TIA1: variants seen among roughly 807,000 people sequenced by gnomAD.
TIA1 encodes the protein cytotoxic granule associated RNA binding protein TIA1.
Under a neutral mutation model 65.9 loss-of-function variants are expected in TIA1, and 23 were observed. That is an observed-to-expected ratio of 0.35 (90% CI 0.25 to 0.49). TIA1 has a LOEUF of 0.49. Ranked by LOEUF, TIA1 falls within the 20% of genes least tolerant of loss-of-function variation. The pLI is 0.98. For missense variants in TIA1, 371 were observed against 477.9 expected, an observed-to-expected ratio of 0.78 and a Z score of 2.09; for synonymous variants, 147 against 149.4, an observed-to-expected ratio of 0.98 and a Z score of 0.12.
chr2:70,230,252 AAAAAG>A (rs1247972796), intron 3 of TIA1, among the ~76,000 whole-genome samples: 1 of 151,832 alleles, frequency 6.6e-6, no homozygotes, highest in South Asian at 2.1e-4. Flanking sequence ...AAAAAAAAAA[AAAAAG>A]AAAAGAAAAT....
intron 7 of TIA1, among the ~76,000 whole-genome samples, chr2:70,219,457 C>T (rs1479162177): frequency 6.6e-6 from 1 of 152,062 alleles, no homozygotes; most frequent in Non-Finnish European, 1.5e-5. Flanking sequence ...CAGGCAAATT[C>T]AAGGCCTTTC....
At chr2:70,244,765 G>C (rs760416167) in intron 1 of TIA1, among the ~76,000 whole-genome samples, 1 of 148,926 alleles carries the variant, frequency 6.7e-6, no homozygotes, top group East Asian at 2.0e-4. Context: ...AACCTGGAAG[G>C]CAGAGCTTGC....
At position 70,242,556 on chromosome 2, in the gene TIA1, A is replaced by G. The variant is rs1692357239; in HGVS notation, c.26+5849T>C. ...TGATAAGGTCTCTGAAAATTTGAGT[A>G]AAAACGATGAATAGTTTTTTACCTA... On this transcript the variant is annotated intron_variant, in intron 1 of 12. Transcript: ENST00000433529. 2.0e-5 allele frequency among the ~76,000 whole-genome samples: 3 copies of G among 150,574 alleles called. No homozygotes were observed. The South Asian group carries it at 6.3e-4, about 32-fold the overall frequency.
intron 5 of TIA1, chr2:70,228,658 T>G (rs1684794319): frequency 1.0e-6 from 1 of 985,312 alleles, no homozygotes. Flanking sequence ...ACAAAGCATA[T>G]TTGGAAAGAA....
intron 1 of TIA1, among the ~76,000 whole-genome samples, chr2:70,244,911 A>C (rs1324627649): frequency 6.6e-6 from 1 of 151,842 alleles, no homozygotes; most frequent in Non-Finnish European, 1.5e-5. Context: ...TTACAAGGCC[A>C]ATACTATTTG....
chr2:70,215,943 A>G (rs1363314621), intron 10 of TIA1, among the ~76,000 whole-genome samples: 2 of 152,010 alleles, frequency 1.3e-5, no homozygotes, highest in Admixed American at 6.6e-5. Flanking sequence ...TTTAGTAGAG[A>G]CGGGGTTTCA....
rs200638542 is a variant in TIA1 at position 70,230,203 on chromosome 2, G to A, written c.222+553C>T. 8.7e-5 allele frequency among the ~76,000 whole-genome samples: 12 copies of A among 138,066 alleles called. No homozygotes were observed. The East Asian group carries it at 1.3e-3, about 15-fold the overall frequency. The allele number at this position is 138,066 out of a possible 152,430, so 90.6% of individuals were successfully genotyped here. On this transcript the variant is annotated intron_variant, in intron 3 of 12. Coordinates refer to ENST00000433529, the MANE Select transcript of TIA1 (RefSeq NM_022173.4). ...GCTTGCAGTGAGCTGAGATCGCGCC[G>A]CTGCACTCCAGCCTGGGCAACAGAG...
intron 7 of TIA1, among the ~76,000 whole-genome samples, chr2:70,222,214 GAC>G (rs1258922279): frequency 2.0e-5 from 3 of 152,276 alleles, no homozygotes; most frequent in Non-Finnish European, 1.5e-5. Flanking sequence ...GAGAGATGGG[GAC>G]ACAATCATAA....
At chr2:70,220,538 T>G (rs1240477051) in intron 7 of TIA1, among the ~76,000 whole-genome samples, 3 of 152,124 alleles carry the variant, frequency 2.0e-5, no homozygotes, top group Non-Finnish European at 4.4e-5. Flanking sequence ...CACCAGAAGC[T>G]TGGAAGAAGC....
At chr2:70,214,757 A>G (rs1205231946) in intron 11 of TIA1, among the ~76,000 whole-genome samples, 1 of 152,236 alleles carries the variant, frequency 6.6e-6, no homozygotes, top group Non-Finnish European at 1.5e-5. Context: ...ATACCCTAGT[A>G]ATAAATGTTA....
chr2:70,228,554 A>C (rs1473868987), intron 5 of TIA1: 2 of 1,103,556 alleles, frequency 1.8e-6, no homozygotes, highest in African/African-American at 3.4e-5. Context: ...CCATATCTGA[A>C]GTTTTTAAAA....
chr2:70,228,717 TG>T (rs1684816563), intron 5 of TIA1: 1 of 985,310 alleles, frequency 1.0e-6, no homozygotes, highest in African/African-American at 1.7e-5. Context: ...GATTGCTCTT[TG>T]GGAAACAAAA....
Position 70,236,127 on chromosome 2 carries a change from T to C in TIA1, c.75A>G (p.Gln25=), listed in dbSNP as rs114952383. ...SRDVTEALIL[Q]LFSQIGPCKN... ...TACAAGGTCCAATCTGGCTAAAGAGTTGCAGAATTAGAGCTTCTGTCACAT... is the reference window on the plus strand; with the variant it reads ...TACAAGGTCCAATCTGGCTAAAGAGCTGCAGAATTAGAGCTTCTGTCACAT... Residue 25 remains glutamine, a synonymous_variant, in exon 2 of 13, where the codon CAA becomes CAG. Transcript: ENST00000433529. 1.3e-4 allele frequency: 207 copies of C among 1,612,920 alleles called. No homozygotes were observed. The East Asian group carries it at 3.2e-3, about 25-fold the overall frequency.
chr2:70,227,818 A>G lies in TIA1; in HGVS notation c.315T>C (p.His105=). ...TGAGATCACCAACAAAGACATGGAAATGATCTTATAAGGGGAAGGAAGGGG... is the reference window on the plus strand; with the variant it reads ...TGAGATCACCAACAAAGACATGGAAGTGATCTTATAAGGGGAAGGAAGGGG... ...TVVSTQRSQD[H]FHVFVGDLSP... is the part of the protein sequence containing the mutation. Residue 105 remains histidine (H), a synonymous_variant, in exon 6 of 13, where the codon CAT becomes CAC. Transcript: ENST00000433529. 7 of 1,600,606 alleles carry G rather than the reference A, an allele frequency of 4.4e-6. No homozygotes were observed. The highest frequency in any genetic ancestry group is 1.1e-5 in the South Asian group (1 of 88,856).
intron 1 of TIA1, among the ~76,000 whole-genome samples, chr2:70,240,052 G>A (rs1475050327): frequency 6.6e-6 from 1 of 152,166 alleles, no homozygotes; most frequent in Non-Finnish European, 1.5e-5. Context: ...ACTACTACAT[G>A]AACAGTTGGT....
intron 7 of TIA1, among the ~76,000 whole-genome samples, chr2:70,218,640 A>G (rs1250727231): frequency 2.0e-5 from 3 of 152,096 alleles, no homozygotes; most frequent in Non-Finnish European, 4.4e-5. Flanking sequence ...TCACCGTGTT[A>G]GACAGGATGG....
chr2:70,220,151 T>C (rs1184571436), intron 7 of TIA1, among the ~76,000 whole-genome samples: 5 of 152,008 alleles, frequency 3.3e-5, no homozygotes, highest in Non-Finnish European at 2.9e-5. Context: ...TGGCTCACAC[T>C]TATAATCCCA....
intron 3 of TIA1, 40 bp from the exon 4 acceptor site, chr2:70,229,358 T>C (rs1357520740): frequency 1.3e-6 from 2 of 1,544,682 alleles, no homozygotes; most frequent in Non-Finnish European, 1.8e-6. Flanking sequence ...TTCACAAAAA[T>C]AAAGCCCAAA....
chr2:70,227,294 G>C (rs757796759), intron 6 of TIA1, among the ~76,000 whole-genome samples: 3 of 152,032 alleles, frequency 2.0e-5, no homozygotes, highest in Non-Finnish European at 2.9e-5. Context: ...TAAATATCTA[G>C]AAAATAATAT....
Sources: allele counts gnomAD v4.1 joint callset (sites outside exome capture counted in the v4.1 genomes callset), GRCh38; gene constraint gnomAD v4.1.1; transcripts MANE v1.5; gene names NCBI Gene and HGNC (gene_info 2026-07-23, HGNC 2026-07-21).